The following NRXN3 variants were observed in gnomAD, a reference collection of about 807,000 sequenced individuals.
The protein encoded by NRXN3 is neurexin 3.
Under a neutral mutation model 137.6 loss-of-function variants are expected in NRXN3, and 32 were observed. The ratio of observed to expected loss-of-function variants is 0.23; its 90% CI spans 0.18 to 0.31. The LOEUF (loss-of-function observed/expected upper bound fraction) is 0.31, where lower values mean the gene tolerates loss of function less well. NRXN3 is among the 10% of genes least tolerant of loss of function. The probability of loss-of-function intolerance (pLI) is 1.00; values close to 1 mark genes in which losing one functional copy is unlikely to be tolerated. For missense variants in NRXN3, 1,574 were observed against 2,062.5 expected, an observed-to-expected ratio of 0.76 and a Z score of 4.59; for synonymous variants, 798 against 784.5, an observed-to-expected ratio of 1.02 and a Z score of -0.29.
chr14:79,354,450 G>T (rs1445869257), intron 15 of NRXN3, among the ~76,000 whole-genome samples: 1 of 152,080 alleles, frequency 6.6e-6, no homozygotes, highest in East Asian at 1.9e-4. Flanking sequence ...TGAATTTTTA[G>T]TCCATGAAAC....
rs57745190 is a variant in NRXN3 at position 78,613,578 on chromosome 14, G to GTTTTT, written c.758-31521_758-31517dup. Reference sequence around the variant, plus strand: ...AGGAGAAAACTGTCTCACAACCATAGTTTTTTTTTTTTTTTTTTTTTTTTT... The same window carrying GTTTTT: ...AGGAGAAAACTGTCTCACAACCATAGTTTTTTTTTTTTTTTTTTTTTTTTTTTTTT... On this transcript the variant is annotated intron_variant, in intron 4 of 20. Coordinates refer to ENST00000335750, the MANE Select transcript of NRXN3 (RefSeq NM_001330195.2). 4.2e-4 allele frequency among the ~76,000 whole-genome samples: 40 copies of GTTTTT among 95,104 alleles called. 1 individual carries two copies. The highest frequency in any genetic ancestry group is 1.8e-3 in the African/African-American group (38 of 21,708). 62.4% of individuals were successfully genotyped at this position (95,104 alleles called of 152,430 possible).
intron 4 of NRXN3, among the ~76,000 whole-genome samples, chr14:78,405,956 A>G (rs2092457642): frequency 6.6e-6 from 1 of 152,178 alleles, no homozygotes; most frequent in Non-Finnish European, 1.5e-5. Context: ...CCTATTCACA[A>G]ATGAGGAAAC....
chr14:79,669,725 T>A (rs1018481750), intron 17 of NRXN3, among the ~76,000 whole-genome samples: 2 of 152,044 alleles, frequency 1.3e-5, no homozygotes, highest in African/African-American at 4.8e-5. Context: ...GTGTGGTCCA[T>A]GGATCAGCAG....
intron 15 of NRXN3, among the ~76,000 whole-genome samples, chr14:79,228,860 C>A (rs111247423): frequency 6.6e-6 from 1 of 152,018 alleles, no homozygotes; most frequent in Admixed American, 6.6e-5. Context: ...CTGAAATTCA[C>A]CTTTTAGTTT....
intron 4 of NRXN3, among the ~76,000 whole-genome samples, chr14:78,405,841 C>G (rs1482586241): frequency 6.6e-6 from 1 of 152,206 alleles, no homozygotes; most frequent in Non-Finnish European, 1.5e-5. Flanking sequence ...CTCAGGGTGT[C>G]AAACCCAGGA....
intron 15 of NRXN3, among the ~76,000 whole-genome samples, chr14:79,330,215 C>T (rs989986399): frequency 1.3e-5 from 2 of 151,960 alleles, no homozygotes; most frequent in African/African-American, 4.8e-5. Flanking sequence ...GACAGATGAA[C>T]AAGGGAGCTA....
Position 78,711,388 on chromosome 14 carries a change from C to T in NRXN3, c.1660+1733C>T, listed in dbSNP as rs548208013. 1.1e-4 allele frequency among the ~76,000 whole-genome samples: 17 copies of T among 147,878 alleles called. No homozygotes were observed. In the South Asian group the frequency reaches 3.4e-3, roughly 30 times the overall value. ...ACAAATATGTTTGAATTTCAGAAGT[C>T]TTAAATTTCATACCTGGGAGCTAAA... On this transcript the variant is annotated intron_variant, in intron 7 of 20. Coordinates refer to ENST00000335750, the MANE Select transcript of NRXN3 (RefSeq NM_001330195.2).
At chr14:79,749,604 C>G (rs1485683193) in intron 19 of NRXN3, among the ~76,000 whole-genome samples, 1 of 152,022 alleles carries the variant, frequency 6.6e-6, no homozygotes, top group Non-Finnish European at 1.5e-5. Context: ...CTGAAACAAC[C>G]TTGCCATTTG....
chr14:79,659,422 G>C (rs1345138110), intron 16 of NRXN3, among the ~76,000 whole-genome samples: 3 of 152,126 alleles, frequency 2.0e-5, no homozygotes. Flanking sequence ...AGAATGTAGA[G>C]AGATAGCAAC....
intron 1 of NRXN3, chr14:78,177,788 T>G: frequency 6.6e-6 from 1 of 152,200 alleles, no homozygotes; most frequent in East Asian, 1.9e-4. Flanking sequence ...CTTCTGAGTA[T>G]TCCTACTACC....
At chr14:79,484,541 G>T (rs1363614686) in intron 16 of NRXN3, among the ~76,000 whole-genome samples, 4 of 152,134 alleles carry the variant, frequency 2.6e-5, no homozygotes, top group African/African-American at 9.7e-5. Context: ...TGGAGCTGAG[G>T]AGCCATTGCC....
At chr14:79,447,806 G>A (rs1029703960) in intron 15 of NRXN3, among the ~76,000 whole-genome samples, 3 of 152,134 alleles carry the variant, frequency 2.0e-5, no homozygotes, top group Admixed American at 6.5e-5. Flanking sequence ...TCAACTTGAC[G>A]TCCTTTATGT....
At chr14:78,635,509 G>A (rs2097559773) in intron 4 of NRXN3, among the ~76,000 whole-genome samples, 1 of 151,962 alleles carries the variant, frequency 6.6e-6, no homozygotes. Context: ...ATTCATTGTG[G>A]ATATTTTTCA....
At chr14:79,803,977 A>ATG (rs1380601469) in intron 19 of NRXN3, among the ~76,000 whole-genome samples, 2 of 143,622 alleles carry the variant, frequency 1.4e-5, no homozygotes, top group Non-Finnish European at 3.0e-5. Flanking sequence ...GTATGTATGT[A>ATG]TGTGTATATA....
At chr14:79,489,650 G>A (rs2096693461) in intron 16 of NRXN3, among the ~76,000 whole-genome samples, 1 of 152,112 alleles carries the variant, frequency 6.6e-6, no homozygotes, top group Admixed American at 6.5e-5. Flanking sequence ...GATCACAAAT[G>A]TGAACATCTA....
At chr14:79,094,571 A>AT (rs2049881945) in intron 15 of NRXN3, among the ~76,000 whole-genome samples, 1 of 152,192 alleles carries the variant, frequency 6.6e-6, no homozygotes, top group South Asian at 2.1e-4. Context: ...CTTCATCTAA[A>AT]TTATTGATAC....
intron 19 of NRXN3, among the ~76,000 whole-genome samples, chr14:79,779,908 A>AGGCT (rs2099108618): frequency 6.6e-6 from 1 of 152,158 alleles, no homozygotes; most frequent in African/African-American, 2.4e-5. Flanking sequence ...TCTGTTGTCC[A>AGGCT]GGCTGGAGTG....
intron 15 of NRXN3, among the ~76,000 whole-genome samples, chr14:79,252,996 G>A (rs2076133403): frequency 6.6e-6 from 1 of 152,166 alleles, no homozygotes. Context: ...CAGAAGGAGA[G>A]AAAATGGGGT....
intron 10 of NRXN3, among the ~76,000 whole-genome samples, chr14:78,930,304 TAA>T (rs1443238871): frequency 6.6e-6 from 1 of 152,178 alleles, no homozygotes; most frequent in East Asian, 1.9e-4. Context: ...TGAAGTGGAT[TAA>T]CAAGAAAATC....
Sources: gnomAD v4.1 joint callset for allele counts (sites outside exome capture counted in the v4.1 genomes callset) on GRCh38, gnomAD v4.1.1 for gene constraint, MANE v1.5 for transcripts, NCBI Gene and HGNC (gene_info 2026-07-23, HGNC 2026-07-21) for gene names.